KNCN: variants seen among roughly 807,000 people sequenced by gnomAD.
KNCN encodes the protein kinocilin.
Under a neutral mutation model 10.4 loss-of-function variants are expected in KNCN, and 11 were observed. The ratio of observed to expected loss-of-function variants is 1.06; its 90% CI spans 0.67 to 1.75. The LOEUF is 1.75. KNCN is among the 40% of genes most tolerant of loss of function. KNCN has a pLI of 0.00. For synonymous variants in KNCN, 67 were observed against 71.6 expected, an observed-to-expected ratio of 0.94 and a Z score of 0.33; for missense variants, 172 against 167.1, an observed-to-expected ratio of 1.03 and a Z score of -0.16.
chr1:46,546,775 G>A lies in KNCN; in HGVS notation c.*955C>T, dbSNP rs1312795007. ...GGCAACGTTCAGTAGACTTAAGATG[G>A]TTTAATAATTGTTTTGTGAAAAGGA... On this transcript the variant is annotated 3_prime_UTR_variant, in exon 4 of 4. Coordinates refer to ENST00000481882, the MANE Select transcript of KNCN (RefSeq NM_001322255.2). 6.4e-6 allele frequency: 1 copy of A among 155,284 alleles called. No individual in the cohort carries two copies. Among genetic ancestry groups the A allele is most frequent in the African/African-American group, 2.4e-5 (1 of 41,472 alleles). 9.6% of individuals were successfully genotyped at this position (155,284 alleles called of 1,614,324 possible). A position where few individuals can be genotyped will look rare whatever the true frequency, so the allele number is the denominator to read the frequency against.
At chr1:46,548,640 G>A (rs538582376) in intron 3 of KNCN, among the ~76,000 whole-genome samples, 6 of 152,280 alleles carry the variant, frequency 3.9e-5, no homozygotes, top group Admixed American at 6.5e-5. Context: ...GCAGGGAGGT[G>A]CCCTCATTCC....
chr1:46,547,621 C>A lies in KNCN; in HGVS notation c.*109G>T, dbSNP rs1489836544. ...CTGTTCCCAGCCGCTCTGGGGTCTG[C>A]AGGGCCTGGCTTGTCTCCGGTCCGG... On this transcript the variant is annotated 3_prime_UTR_variant, in exon 4 of 4. Coordinates refer to ENST00000481882, the MANE Select transcript of KNCN (RefSeq NM_001322255.2). The A allele has an allele frequency of 1.2e-6, 1 of 854,056 alleles. No individual in the cohort carries two copies. The allele number at this position is 854,056 out of a possible 1,614,324, so 52.9% of individuals were successfully genotyped here. A position where few individuals can be genotyped will look rare whatever the true frequency, so the allele number is the denominator to read the frequency against.
chr1:46,546,352 T>C lies in KNCN; in HGVS notation c.*1378A>G, dbSNP rs545601780. On this transcript the variant is annotated 3_prime_UTR_variant, in exon 4 of 4. Coordinates refer to ENST00000481882, the MANE Select transcript of KNCN (RefSeq NM_001322255.2). The stretch of plus-strand genomic sequence containing the variant: ...CTGCTCCCACTCTCAAGAGGGGAAA[T>C]AGACAAAGGCCACTCAGATTGGTCT... 21 of 152,260 alleles carry C rather than the reference T, an allele frequency of 1.4e-4. No individual in the cohort carries two copies. Among genetic ancestry groups the C allele is most frequent in the African/African-American group, 5.1e-4 (21 of 41,522 alleles). 9.4% of individuals were successfully genotyped at this position (152,260 alleles called of 1,614,324 possible).
chr1:46,549,755 T>C, intron 2 of KNCN, 179 bp downstream of exon 2: 2 of 1,178,870 alleles, frequency 1.7e-6, no homozygotes, highest in South Asian at 3.0e-5. Flanking sequence ...GATTCTGCCG[T>C]TCTGTAGTCA....
intron 1 of KNCN, among the ~76,000 whole-genome samples, chr1:46,550,782 C>T (rs190604000): frequency 6.6e-6 from 1 of 152,296 alleles, no homozygotes; most frequent in African/African-American, 2.4e-5. Context: ...ACCACAAATC[C>T]AGGAGCCTAG....
At position 46,546,163 on chromosome 1, in the gene KNCN, T is replaced by TA. The variant is rs1332281134; in HGVS notation, c.*1566dup. 6.6e-6 allele frequency: 1 copy of TA among 152,234 alleles called. No individual in the cohort carries two copies. Among genetic ancestry groups the TA allele is most frequent in the African/African-American group, 2.4e-5 (1 of 41,444 alleles). The allele number at this position is 152,234 out of a possible 1,614,324, so 9.4% of individuals were successfully genotyped here. ...AGATAGAGCCTTGGATAGGGAGAGA[T>TA]AGGAGACCTGGCTGCAGGCCTGGCC... On this transcript the variant is annotated 3_prime_UTR_variant, in exon 4 of 4. Transcript: ENST00000481882.
chr1:46,548,470 T>TC (rs908226179), intron 3 of KNCN, among the ~76,000 whole-genome samples: 2 of 151,508 alleles, frequency 1.3e-5, no homozygotes, highest in African/African-American at 4.9e-5. Flanking sequence ...CCCTGGCATG[T>TC]CCCCCCCTCC....
chr1:46,550,467 C>A (rs1278729578), intron 1 of KNCN, among the ~76,000 whole-genome samples: 1 of 151,682 alleles, frequency 6.6e-6, no homozygotes, highest in Non-Finnish European at 1.5e-5. Flanking sequence ...CCAGAACCCG[C>A]AGGTGTAGAT....
intron 2 of KNCN, chr1:46,549,662 G>C: frequency 1.7e-6 from 1 of 578,470 alleles, no homozygotes; most frequent in South Asian, 2.2e-5. Context: ...AGAGATGTTG[G>C]AGGCTTTGGG....
chr1:46,551,610 C>T lies in KNCN; in HGVS notation c.-395G>A, dbSNP rs765485179. 3.7e-5 allele frequency: 6 copies of T among 163,720 alleles called. No individual in the cohort carries two copies. Among genetic ancestry groups the T allele is most frequent in the Non-Finnish European group, 6.6e-5 (5 of 76,218 alleles). The allele number at this position is 163,720 out of a possible 1,614,324, so 10.1% of individuals were successfully genotyped here. A position where few individuals can be genotyped will look rare whatever the true frequency, so the allele number is the denominator to read the frequency against. ...CCCAGGAGAGTTCAAGCTCCCCTGC[C>T]CAGGACATCCTGCCCCAGCTTCCTA... On this transcript the variant is annotated 5_prime_UTR_variant, in exon 1 of 4. The change creates a premature stop within an existing upstream ORF in the 5' untranslated region. Coordinates refer to ENST00000481882, the MANE Select transcript of KNCN (RefSeq NM_001322255.2). The surrounding 1 kb of genome is among the most constrained non-coding windows in gnomAD (Gnocchi z 4.0).
chr1:46,550,810 C>G (rs75242930), intron 1 of KNCN, among the ~76,000 whole-genome samples: 20 of 152,136 alleles, frequency 1.3e-4, no homozygotes, highest in African/African-American at 4.8e-4. Context: ...GGCTGGAGAG[C>G]CAGTGGGAGT....
Position 46,551,247 on chromosome 1 carries a change from G to C in KNCN, c.-32C>G. ...CCACCCGGGGCACTGCCTCCAGCCG[G>C]TGCAGTCTGGCCCCAGAAAAGTCCT... On this transcript the variant is annotated 5_prime_UTR_variant, in exon 1 of 4. Coordinates refer to ENST00000481882, the MANE Select transcript of KNCN (RefSeq NM_001322255.2). The surrounding 1 kb of genome is among the most constrained non-coding windows in gnomAD (Gnocchi z 4.0). 1 of 1,588,638 alleles carries C rather than the reference G, an allele frequency of 6.3e-7. No individual in the cohort carries two copies. Among genetic ancestry groups the C allele is most frequent in the Non-Finnish European group, 8.5e-7 (1 of 1,170,622 alleles).
At chr1:46,547,883 CAG>C (rs1460226835) in intron 3 of KNCN, 74 bp from the exon 4 acceptor site, 3 of 1,159,742 alleles carry the variant, frequency 2.6e-6, no homozygotes, top group African/African-American at 3.1e-5. Context: ...CAGAGGAACT[CAG>C]AGGGACCCAA....
Position 46,546,675 on chromosome 1 carries a change from A to AT in KNCN, c.*1054dup, listed in dbSNP as rs1171572957. The AT allele has an allele frequency of 2.6e-5, 4 of 152,390 alleles. No homozygotes were observed. The highest frequency in any genetic ancestry group is 6.5e-5 in the Admixed American group (1 of 15,302). The allele number at this position is 152,390 out of a possible 1,614,324, so 9.4% of individuals were successfully genotyped here. A position where few individuals can be genotyped will look rare whatever the true frequency, so the allele number is the denominator to read the frequency against. On this transcript the variant is annotated 3_prime_UTR_variant, in exon 4 of 4. Coordinates refer to ENST00000481882, the MANE Select transcript of KNCN (RefSeq NM_001322255.2). ...TGGCTTCCCAGGGAAAGCCTAGGGA[A>AT]TTGTTTTTACATTAAATTGAATCCA...
intron 3 of KNCN, among the ~76,000 whole-genome samples, chr1:46,548,866 C>T (rs1320612313): frequency 6.6e-6 from 1 of 152,210 alleles, no homozygotes; most frequent in Non-Finnish European, 1.5e-5. Context: ...TCAGGCTGGG[C>T]ACGGTGGCTC....
chr1:46,547,490 C>T lies in KNCN; in HGVS notation c.*240G>A. On this transcript the variant is annotated 3_prime_UTR_variant, in exon 4 of 4. Transcript: ENST00000481882. ...GGCAGGAGCCTGAAACATGGGAACCCTGTGGGGGCGTCCGGCGACACCTTG... is the reference window on the plus strand; with the variant it reads ...GGCAGGAGCCTGAAACATGGGAACCTTGTGGGGGCGTCCGGCGACACCTTG... The T allele has an allele frequency of 2.9e-6, 2 of 692,938 alleles. No homozygotes were observed. Among genetic ancestry groups the T allele is most frequent in the Non-Finnish European group, 5.3e-6 (2 of 378,068 alleles). 42.9% of individuals were successfully genotyped at this position (692,938 alleles called of 1,614,324 possible).
Position 46,549,997 on chromosome 1 carries a change from G to A in KNCN, c.157C>T (p.Leu53Phe), listed in dbSNP as rs879345099. 2 of 1,550,598 alleles carry A rather than the reference G, an allele frequency of 1.3e-6. No individual in the cohort carries two copies. Among genetic ancestry groups the A allele is most frequent in the Non-Finnish European group, 8.7e-7 (1 of 1,146,996 alleles). The change falls in exon 2 of 4, where the codon CTC (leucine) becomes TTC (phenylalanine). Residue 53 changes from leucine (L) to phenylalanine (F), a missense_variant. Transcript: ENST00000481882. ...VFIGAAVLGL[L>F]ILAYPFLKAR... ...TTCAGGAAGGGGTAGGCCAAGATGA[G>A]GAGCCCTGAGAAGAGACACAGGGGG...
rs1666959220 is a variant in KNCN at position 46,547,145 on chromosome 1, C to T, written c.*585G>A. 2 of 343,040 alleles carry T rather than the reference C, an allele frequency of 5.8e-6. No individual in the cohort carries two copies. Among genetic ancestry groups the T allele is most frequent in the Non-Finnish European group, 1.1e-5 (2 of 174,470 alleles). The allele number at this position is 343,040 out of a possible 1,614,324, so 21.2% of individuals were successfully genotyped here. On this transcript the variant is annotated 3_prime_UTR_variant, in exon 4 of 4. Transcript: ENST00000481882. ...GTTTGTACCTGTCCCTTTGTGAGCCCCCCAAATTCCCCCATCTGATTCACT... is the reference window on the plus strand; with the variant it reads ...GTTTGTACCTGTCCCTTTGTGAGCCTCCCAAATTCCCCCATCTGATTCACT...
chr1:46,546,182 C>T lies in KNCN; in HGVS notation c.*1548G>A, dbSNP rs886331642. On this transcript the variant is annotated 3_prime_UTR_variant, in exon 4 of 4. Transcript: ENST00000481882. ...GAGAGATAGGAGACCTGGCTGCAGG[C>T]CTGGCCCCGTGATCTTTCACCATGG... 7.9e-5 allele frequency: 12 copies of T among 152,370 alleles called. No homozygotes were observed. The highest frequency in any genetic ancestry group is 2.9e-4 in the African/African-American group (12 of 41,570). The allele number at this position is 152,370 out of a possible 1,614,324, so 9.4% of individuals were successfully genotyped here. A position where few individuals can be genotyped will look rare whatever the true frequency, so the allele number is the denominator to read the frequency against.
Sources: allele counts gnomAD v4.1 joint callset (sites outside exome capture counted in the v4.1 genomes callset), GRCh38; gene constraint gnomAD v4.1.1; non-coding constraint Gnocchi (gnomAD v3.1); transcripts MANE v1.5; gene names NCBI Gene and HGNC (gene_info 2026-07-23, HGNC 2026-07-21).